VWA3A: variants seen among roughly 807,000 people sequenced by gnomAD.
VWA3A encodes von Willebrand factor A domain containing 3A.
VWA3A carries 134 observed loss-of-function variants against 160.4 expected under a neutral mutation model. That is an observed-to-expected ratio of 0.84 (90% confidence interval 0.73 to 0.96). The LOEUF is 0.96. Among genes scored for constraint, VWA3A ranks in the 40% least tolerant of loss-of-function variants. VWA3A has a pLI of 0.00. For missense variants in VWA3A, 1,310 were observed against 1,447.9 expected (o/e 0.90, Z 1.55); for synonymous variants, 476 against 543.4 (o/e 0.88, Z 1.72).
chr16:22,111,673 G>A (rs554981847), intron 8 of VWA3A, among the ~76,000 whole-genome samples: 1 of 151,898 alleles, frequency 6.6e-6, no homozygotes, highest in South Asian at 2.1e-4. Flanking sequence ...GGTAGAGACA[G>A]GGTTTCACCA....
At chr16:22,116,151 T>C (rs1255860009) in intron 9 of VWA3A, among the ~76,000 whole-genome samples, 14 of 79,254 alleles carry the variant, frequency 1.8e-4, no homozygotes, top group Non-Finnish European at 3.4e-4. Context: ...GAGAGAGAAA[T>C]AAAAAGGAAG....
At chr16:22,142,624 C>A in intron 24 of VWA3A, 44 bp from the exon 25 acceptor site, 1 of 1,469,482 alleles carries the variant, frequency 6.8e-7, no homozygotes, top group Non-Finnish European at 9.3e-7. Flanking sequence ...TGCAGGGGCT[C>A]AACCATCCAA....
chr16:22,148,426 A>G lies in VWA3A; in HGVS notation c.2984+120A>G. The G allele has an allele frequency of 3.7e-6, 5 of 1,359,648 alleles. No individual in the cohort carries two copies. The South Asian group carries it at 6.0e-5, about 16-fold the overall frequency. The allele number at this position is 1,359,648 out of a possible 1,614,324, so 84.2% of individuals were successfully genotyped here. ...GAGTTTCTGAGATGCTCTTCTGAGT[A>G]ACGCGTTTGAGTAGGAAAGAGCACT... On this transcript the variant is annotated intron_variant, in intron 28 of 33. Transcript: ENST00000389398.
At chr16:22,122,634 A>C (rs1056781725) in intron 14 of VWA3A, among the ~76,000 whole-genome samples, 19 of 152,246 alleles carry the variant, frequency 1.2e-4, no homozygotes, top group African/African-American at 4.3e-4. Context: ...TTGGTGGAGG[A>C]TGAAAAAACA....
rs372774131 is a variant in VWA3A at position 22,121,834 on chromosome 16, G to A, written c.1356+217G>A. Among the ~76,000 whole-genome samples, 653 of 152,168 alleles carry A rather than the reference G, an allele frequency of 4.3e-3. 3 individuals carry two copies. Among genetic ancestry groups the A allele is most frequent in the Non-Finnish European group, 7.8e-3 (528 of 68,004 alleles). On this transcript the variant is annotated intron_variant, in intron 14 of 33. Coordinates refer to ENST00000389398, the MANE Select transcript of VWA3A (RefSeq NM_173615.5). ...GCAAGAGGGATAAATCAGGTACCAC[G>A]GTCACCTCCTCCATGAAGGTTTTCT... is the stretch of plus-strand genomic sequence containing the variant.
intron 32 of VWA3A, 90 bp downstream of exon 32, chr16:22,155,754 G>A (rs1411809934): frequency 1.9e-6 from 3 of 1,602,848 alleles, no homozygotes; most frequent in African/African-American, 1.3e-5. Context: ...CACCCATGAT[G>A]GTACCCTTGC....
chr16:22,112,476 C>T (rs1400988871), intron 8 of VWA3A, among the ~76,000 whole-genome samples: 4 of 152,136 alleles, frequency 2.6e-5, no homozygotes, highest in South Asian at 2.1e-4. Context: ...CCCAGGACTT[C>T]GGGAGGCCAA....
intron 29 of VWA3A, among the ~76,000 whole-genome samples, chr16:22,150,222 T>A (rs1413677882): frequency 1.3e-5 from 2 of 152,036 alleles, no homozygotes; most frequent in East Asian, 1.9e-4. Context: ...ACCAACATGG[T>A]GAAACCCCGT....
At chr16:22,147,409 C>G (rs1340813613) in intron 27 of VWA3A, among the ~76,000 whole-genome samples, 2 of 152,024 alleles carry the variant, frequency 1.3e-5, no homozygotes, top group Non-Finnish European at 2.9e-5. Context: ...AGCATCAAGC[C>G]CAAGAAGACA....
At position 22,146,269 on chromosome 16, in the gene VWA3A, G is replaced by C. The variant is rs999370706; in HGVS notation, c.2764G>C (p.Glu922Gln). The C allele has an allele frequency of 6.2e-7, 1 of 1,613,584 alleles. No individual in the cohort carries two copies. The highest frequency in any genetic ancestry group is 1.3e-5 in the African/African-American group (1 of 74,900). ...GAGACACATCCAGTGGACGCCCAGG[G>C]AGATGGAGGTGTACATCAGGCACTT... Reference protein sequence around the residue: ...VVRHIQWTPREMEVYIRHLEK... With the variant: ...VVRHIQWTPRQMEVYIRHLEK... Residue 922 changes from glutamate (E) to glutamine (Q), a missense_variant, in exon 27 of 34, where the codon GAG becomes CAG. Transcript: ENST00000389398.
rs867294437 is a variant in VWA3A, at chr16:22,155,883, C to A, written c.3536C>A (p.Pro1179Gln). Residue 1179 changes from proline (P) to glutamine (Q), a missense_variant, in exon 33 of 34, where the codon CCA (proline) becomes CAA (glutamine). Transcript: ENST00000389398. ...CTCCAGAAGAAAAATGATGCAGAAC[C>A]AAAGGTCACTCTTTCCTAGAGAAGT... ...SQLQKKNDAE[P>Q]KVTLS 1.2e-6 allele frequency: 2 copies of A among 1,613,942 alleles called. No homozygotes were observed. Among genetic ancestry groups the A allele is most frequent in the Non-Finnish European group, 1.7e-6 (2 of 1,179,886 alleles).
chr16:22,116,088 G>A (rs544746734), intron 9 of VWA3A, among the ~76,000 whole-genome samples: 3 of 148,516 alleles, frequency 2.0e-5, no homozygotes, highest in African/African-American at 7.4e-5. Flanking sequence ...CAGGCAGAAA[G>A]AAAGAGAGAA....
chr16:22,150,043 C>T, intron 29 of VWA3A, 112 bp downstream of exon 29: 1 of 1,377,228 alleles, frequency 7.3e-7, no homozygotes, highest in Non-Finnish European at 9.7e-7. Context: ...ATTTACAAAG[C>T]ACTACATCAT....
chr16:22,155,781 C>T, intron 32 of VWA3A, 70 bp from the exon 33 acceptor site: 1 of 1,610,828 alleles, frequency 6.2e-7, no homozygotes, highest in Admixed American at 1.7e-5. Flanking sequence ...GGTTCCTGCC[C>T]TGCTTCTCCC....
intron 22 of VWA3A, 128 bp downstream of exon 22, chr16:22,138,640 G>A: frequency 7.7e-7 from 1 of 1,292,960 alleles, no homozygotes; most frequent in East Asian, 2.5e-5. Flanking sequence ...AGTGTCCTGT[G>A]GGTGCCTCTT....
intron 13 of VWA3A, 65 bp downstream of exon 13, chr16:22,121,168 G>C: frequency 1.2e-6 from 2 of 1,605,824 alleles, no homozygotes; most frequent in East Asian, 2.2e-5. Context: ...GAATCCGGCC[G>C]GGCACAGTGG....
chr16:22,142,660 T>G lies in VWA3A; in HGVS notation c.2495-8T>G, dbSNP rs2046172791. On this transcript the variant is annotated splice_region_variant and splice_polypyrimidine_tract_variant and intron_variant, in intron 24 of 33. Coordinates refer to ENST00000389398, the MANE Select transcript of VWA3A (RefSeq NM_173615.5). Reference sequence around the variant, plus strand: ...ACTATAGCAATGACCTCACTCTGCTTCTTCTAGGCTCAGTGTACAAGAAGT... The same window carrying G: ...ACTATAGCAATGACCTCACTCTGCTGCTTCTAGGCTCAGTGTACAAGAAGT... 1.3e-6 allele frequency: 2 copies of G among 1,557,054 alleles called. No individual in the cohort carries two copies. Among genetic ancestry groups the G allele is most frequent in the South Asian group, 2.4e-5 (2 of 84,364 alleles).
intron 27 of VWA3A, chr16:22,147,629 G>C: frequency 4.3e-6 from 3 of 703,256 alleles, no homozygotes; most frequent in Non-Finnish European, 7.8e-6. Context: ...GCGTCATGAT[G>C]ACTGCTGCTT....
intron 28 of VWA3A, among the ~76,000 whole-genome samples, chr16:22,149,160 G>T (rs2046305108): frequency 6.6e-6 from 1 of 152,192 alleles, no homozygotes; most frequent in Non-Finnish European, 1.5e-5. Flanking sequence ...AGAAAAGGAA[G>T]CCAGGACTTC....
Sources: allele counts gnomAD v4.1 joint callset (sites outside exome capture counted in the v4.1 genomes callset), GRCh38; gene constraint gnomAD v4.1.1; transcripts MANE v1.5; gene names NCBI Gene and HGNC (gene_info 2026-07-23, HGNC 2026-07-21).